The following VPS54 variants were observed in gnomAD, a reference collection of about 807,000 sequenced individuals.
VPS54 encodes vacuolar protein sorting-associated protein 54.
VPS54 carries 45 observed loss-of-function variants against 121.5 expected under a neutral mutation model. The ratio of observed to expected loss-of-function variants is 0.37; its 90% CI spans 0.29 to 0.47. The LOEUF (loss-of-function observed/expected upper bound fraction) is 0.47. Ranked by LOEUF, VPS54 falls within the 20% of genes least tolerant of loss-of-function variation. VPS54 has a pLI of 0.99. For synonymous variants in VPS54, 371 were observed against 385.8 expected (o/e 0.96, Z 0.45); for missense variants, 1,090 against 1,131.4 (o/e 0.96, Z 0.52).
intron 1 of VPS54, among the ~76,000 whole-genome samples, chr2:64,000,584 T>C (rs534063868): frequency 9.2e-5 from 14 of 152,264 alleles, no homozygotes; most frequent in Non-Finnish European, 1.6e-4. Context: ...AAGCTGTATC[T>C]GCTTTAGGGG....
chr2:63,940,720 T>C (rs1047926533), intron 11 of VPS54, among the ~76,000 whole-genome samples: 4 of 148,824 alleles, frequency 2.7e-5, no homozygotes, highest in African/African-American at 7.3e-5. Context: ...GAAGACTTAC[T>C]GTACTTCAAA....
At chr2:63,988,555 T>C (rs1169483568) in intron 1 of VPS54, among the ~76,000 whole-genome samples, 1 of 152,208 alleles carries the variant, frequency 6.6e-6, no homozygotes, top group Non-Finnish European at 1.5e-5. Flanking sequence ...ATTAATACTT[T>C]TATAATTTCT....
rs1248662097 is a variant in VPS54, at chr2:63,962,412, T to C, written c.656A>G (p.Asn219Ser). ...ACGTAGAGAGATCTGGTGAGCAATG[T>C]TTACTTCCACAATATCCAGATAATG... The part of the protein sequence containing the change: ...LSHYLDIVEV[N>S]IAHQISLRSE... The change falls in exon 7 of 23, where the codon AAC becomes AGC. Residue 219 changes from asparagine to serine, a missense_variant. Coordinates refer to ENST00000272322, the MANE Select transcript of VPS54 (RefSeq NM_016516.3). The C allele has an allele frequency of 6.2e-7, 1 of 1,613,042 alleles. No individual in the cohort carries two copies. The highest frequency in any genetic ancestry group is 8.5e-7 in the Non-Finnish European group (1 of 1,179,382).
In VPS54 at chr2:63,912,670, C is replaced by A; in HGVS notation, c.2423-9G>T. On this transcript the variant is annotated splice_polypyrimidine_tract_variant and intron_variant, in intron 18 of 22. Coordinates refer to ENST00000272322, the MANE Select transcript of VPS54 (RefSeq NM_016516.3). ...ACATCGTGAAGAAAGAGCTGAAGAT[C>A]CAGGGAGTAGATATATAATGGAGAA... 2 of 1,561,440 alleles carry A rather than the reference C, an allele frequency of 1.3e-6. No homozygotes were observed. The highest frequency in any genetic ancestry group is 2.3e-5 in the Admixed American group (1 of 42,930).
In VPS54 at chr2:63,947,494, T is replaced by G; in HGVS notation, c.1138-4A>C. ...ATACAAGAGATATTAGTCTTTCCTG[T>G]TAAAATAAAAGTATGTAACTTGACA... is the stretch of plus-strand genomic sequence containing the variant. On this transcript the variant is annotated splice_polypyrimidine_tract_variant and splice_region_variant and intron_variant, in intron 8 of 22. Transcript: ENST00000272322. 1 of 1,491,148 alleles carries G rather than the reference T, an allele frequency of 6.7e-7. No homozygotes were observed. The highest frequency in any genetic ancestry group is 9.1e-7 in the Non-Finnish European group (1 of 1,101,014). 92.4% of individuals were successfully genotyped at this position (1,491,148 alleles called of 1,614,324 possible).
At chr2:63,925,223 G>A (rs1024203444) in intron 12 of VPS54, among the ~76,000 whole-genome samples, 2 of 152,146 alleles carry the variant, frequency 1.3e-5, no homozygotes, top group African/African-American at 4.8e-5. Context: ...CAGAAAAATG[G>A]GTAAAGGCCT....
intron 4 of VPS54, among the ~76,000 whole-genome samples, chr2:63,970,463 C>G (rs1246678246): frequency 6.6e-6 from 1 of 151,708 alleles, no homozygotes; most frequent in East Asian, 1.9e-4. Flanking sequence ...AATAATCTAT[C>G]TCAAATCTTC....
chr2:63,893,881 G>A (rs1038155026), intron 22 of VPS54, among the ~76,000 whole-genome samples: 42 of 152,210 alleles, frequency 2.8e-4, no homozygotes, highest in African/African-American at 9.4e-4. Flanking sequence ...TAGCACTAGA[G>A]TATGGGAGTG....
At chr2:63,923,353 C>T (rs993597711) in intron 12 of VPS54, among the ~76,000 whole-genome samples, 2 of 151,990 alleles carry the variant, frequency 1.3e-5, no homozygotes, top group African/African-American at 4.8e-5. Flanking sequence ...AGTTAGATCT[C>T]TAACTTTCAC....
intron 15 of VPS54, 65 bp from the exon 16 acceptor site, chr2:63,917,028 G>A (rs1673412774): frequency 1.8e-5 from 28 of 1,553,038 alleles, no homozygotes; most frequent in Non-Finnish European, 2.3e-5. Context: ...AGAAAAAGCT[G>A]AAGAAGATAA....
intron 16 of VPS54, among the ~76,000 whole-genome samples, chr2:63,915,151 CAAAAAAAAAAA>C (rs5831674): frequency 2.5e-4 from 6 of 23,850 alleles, no homozygotes; most frequent in East Asian, 1.4e-3. Context: ...AGCTCCGTCT[CAAAAAAAAAAA>C]AAAAAAAAAA....
chr2:63,913,984 G>A (rs1162489056), intron 17 of VPS54, 198 bp downstream of exon 17: 16 of 1,262,246 alleles, frequency 1.3e-5, no homozygotes, highest in Non-Finnish European at 1.5e-5. Context: ...GGTGAATGAG[G>A]ATCACTAACT....
chr2:63,946,390 T>C (rs1674979490), intron 9 of VPS54, among the ~76,000 whole-genome samples: 1 of 152,152 alleles, frequency 6.6e-6, no homozygotes, highest in Non-Finnish European at 1.5e-5. Context: ...TTCTGTTGGG[T>C]GCATACCTAG....
chr2:63,972,320 G>A, intron 3 of VPS54, 76 bp from the exon 4 acceptor site: 2 of 1,049,288 alleles, frequency 1.9e-6, no homozygotes, highest in East Asian at 2.5e-5. Flanking sequence ...TTTTGCAACA[G>A]AATATCAGAA....
chr2:63,965,318 T>A (rs904795901), intron 6 of VPS54, among the ~76,000 whole-genome samples: 4 of 151,784 alleles, frequency 2.6e-5, no homozygotes, highest in African/African-American at 7.3e-5. Flanking sequence ...CTACCAAAAA[T>A]ACAAAAAATT....
chr2:63,984,034 GAAAT>G lies in VPS54; in HGVS notation c.-20-19_-20-16del. 1 of 1,575,002 alleles carries G rather than the reference GAAAT, an allele frequency of 6.3e-7. No individual in the cohort carries two copies. Among genetic ancestry groups the G allele is most frequent in the Non-Finnish European group, 8.7e-7 (1 of 1,155,332 alleles). ...TCACCACTCAACTGAAAATGAGTAA[GAAAT>G]ACTAATTAAGACACCGCAAATCAAA... On this transcript the variant is annotated splice_polypyrimidine_tract_variant and intron_variant, in intron 1 of 22. Transcript: ENST00000272322.
At position 63,977,722 on chromosome 2, in the gene VPS54, T is replaced by C. The variant is rs76945159; in HGVS notation, c.378+3924A>G. On this transcript the variant is annotated intron_variant, in intron 3 of 22. Transcript: ENST00000272322. Reference sequence around the variant, plus strand: ...GAGTCTGATTCTGATACTTGATCTGTCTGTTTAAACAGTGTTTTCTGTCTG... The same window carrying C: ...GAGTCTGATTCTGATACTTGATCTGCCTGTTTAAACAGTGTTTTCTGTCTG... Among the ~76,000 whole-genome samples the C allele has an allele frequency of 4.9e-3, 747 of 152,360 alleles. 10 individuals are homozygous for C. Among genetic ancestry groups the C allele is most frequent in the African/African-American group, 0.017 (694 of 41,588 alleles).
intron 11 of VPS54, among the ~76,000 whole-genome samples, chr2:63,941,157 A>G (rs1674711668): frequency 6.6e-6 from 1 of 152,202 alleles, no homozygotes; most frequent in African/African-American, 2.4e-5. Context: ...AAAAATATCT[A>G]ATTTCACAAA....
chr2:63,933,039 G>C (rs533864193), intron 12 of VPS54, among the ~76,000 whole-genome samples: 31 of 152,180 alleles, frequency 2.0e-4, no homozygotes, highest in African/African-American at 7.5e-4. Flanking sequence ...AAGACAAAAG[G>C]AGACAGAAAG....
Sources: gnomAD v4.1 joint callset for allele counts (sites outside exome capture counted in the v4.1 genomes callset) on GRCh38, gnomAD v4.1.1 for gene constraint, MANE v1.5 for transcripts, NCBI Gene and HGNC (gene_info 2026-07-23, HGNC 2026-07-21) for gene names.